Variants in HADHA observed in about 807,000 individuals in gnomAD.
HADHA encodes trifunctional enzyme subunit alpha, mitochondrial.
In HADHA, 59 loss-of-function variants were observed where a neutral mutation model predicts 91.3. The observed-to-expected ratio is 0.65, with a 90% CI of 0.52 to 0.80. HADHA has a LOEUF of 0.80. Ranked by LOEUF, HADHA falls within the 30% of genes least tolerant of loss-of-function variation. HADHA has a pLI of 0.00. For missense variants in HADHA, 800 were observed against 927.6 expected (o/e 0.86, Z 1.79); for synonymous variants, 320 against 338.9 (o/e 0.94, Z 0.61).
In HADHA at chr2:26,240,780, T is replaced by A. The variant is rs183757355; in HGVS notation, c.68-1637A>T. Among the ~76,000 whole-genome samples the A allele has an allele frequency of 2.6e-4, 39 of 152,164 alleles. No individual in the cohort carries two copies. The South Asian group carries it at 5.2e-3, about 20-fold the overall frequency. ...GCCACTATGCCCCACTGGGTTGCAGTTTTAAAGATCAAATATTTGAGATAA... is the reference window on the plus strand; with the variant it reads ...GCCACTATGCCCCACTGGGTTGCAGATTTAAAGATCAAATATTTGAGATAA... On this transcript the variant is annotated intron_variant, in intron 1 of 19. Transcript: ENST00000380649.
At chr2:26,241,478 A>C (rs189843448) in intron 1 of HADHA, among the ~76,000 whole-genome samples, 19 of 107,860 alleles carry the variant, frequency 1.8e-4, no homozygotes, top group African/African-American at 5.2e-4. Context: ...CAACAACAAC[A>C]AAAAAAAAAA....
intron 7 of HADHA, among the ~76,000 whole-genome samples, chr2:26,219,600 A>G (rs1000790756): frequency 3.3e-5 from 5 of 152,178 alleles, no homozygotes; most frequent in African/African-American, 1.2e-4. Context: ...TAGGTCAGAA[A>G]TTACAGTGGG....
intron 9 of HADHA, among the ~76,000 whole-genome samples, chr2:26,213,060 A>T (rs1382992803): frequency 2.0e-4 from 31 of 152,258 alleles, no homozygotes; most frequent in Non-Finnish European, 7.3e-5. Flanking sequence ...AAGATGAAAA[A>T]AATAACCCTG....
At position 26,236,908 on chromosome 2, in the gene HADHA, A is replaced by T; in HGVS notation, c.261T>A (p.Ser87Arg). Residue 87 changes from serine (S) to arginine (R), a missense_variant, in exon 4 of 20, where the codon AGT (serine) becomes AGA (arginine). Transcript: ENST00000380649. ...NEIWASDQIRSAVLISSKPGC... is the reference protein window; with the variant it reads ...NEIWASDQIRRAVLISSKPGC... ...CTGGCTTTGATGAGATAAGGACGGC[A>T]CTTCTGATTTGATCACTAGCCCAGA... 1 of 1,611,126 alleles carries T rather than the reference A, an allele frequency of 6.2e-7. No individual in the cohort carries two copies. The highest frequency in any genetic ancestry group is 8.5e-7 in the Non-Finnish European group (1 of 1,177,378).
At chr2:26,243,498 G>A (rs1670972009) in intron 1 of HADHA, among the ~76,000 whole-genome samples, 1 of 151,740 alleles carries the variant, frequency 6.6e-6, no homozygotes, top group Non-Finnish European at 1.5e-5. Context: ...CAGTTTTGTG[G>A]AGACTAAAAA....
chr2:26,205,969 A>C (rs182569773), intron 11 of HADHA, among the ~76,000 whole-genome samples: 1 of 152,262 alleles, frequency 6.6e-6, no homozygotes, highest in African/African-American at 2.4e-5. Context: ...AGGGATATAA[A>C]GCAATTCATA....
In HADHA at chr2:26,229,169, G is replaced by T. The variant is rs182571082; in HGVS notation, c.676+1023C>A. Among the ~76,000 whole-genome samples the T allele has an allele frequency of 1.5e-3, 221 of 152,022 alleles. 1 individual carries two copies. Among genetic ancestry groups the T allele is most frequent in the African/African-American group, 5.2e-3 (215 of 41,466 alleles). ...AGCCTGGAAAACAGAGTGAGATCTC[G>T]TTTCTACAAAAAATAAAAAATTAGC... is the stretch of plus-strand genomic sequence containing the variant. On this transcript the variant is annotated intron_variant, in intron 7 of 19. Coordinates refer to ENST00000380649, the MANE Select transcript of HADHA (RefSeq NM_000182.5). The surrounding 1 kb of genome is among the most constrained non-coding windows in gnomAD (Gnocchi z 4.3).
rs1372255957 is a variant in HADHA at position 26,229,750 on chromosome 2, ACTTC to A, written c.676+438_676+441del. 6.6e-6 allele frequency among the ~76,000 whole-genome samples: 1 copy of A among 152,174 alleles called. No individual in the cohort carries two copies. The highest frequency in any genetic ancestry group is 1.5e-5 in the Non-Finnish European group (1 of 68,020). ...GATTTAGTATTAGCTATTTTATAAAACTTCCTTCCTTAGAATAATGACTCATTTC... is the reference window on the plus strand; with the variant it reads ...GATTTAGTATTAGCTATTTTATAAAACTTCCTTAGAATAATGACTCATTTC... On this transcript the variant is annotated intron_variant, in intron 7 of 19. Transcript: ENST00000380649. This position sits in a 1 kb window ranked among gnomAD's most constrained non-coding sequence, Gnocchi z 4.3.
intron 16 of HADHA, 53 bp downstream of exon 16, chr2:26,194,517 G>T: frequency 9.5e-7 from 1 of 1,054,276 alleles, no homozygotes; most frequent in Non-Finnish European, 1.5e-6. Context: ...ATGAGTTTTA[G>T]AGTGACTGAA....
In HADHA at chr2:26,212,628, T is replaced by TA; in HGVS notation, c.919-3dup. On this transcript the variant is annotated splice_region_variant and splice_polypyrimidine_tract_variant and intron_variant, in intron 9 of 19. Transcript: ENST00000380649. ...TTGCTCAATTCCAGTCTTTACCACC[T>TA]AAAAAACATATAAAGCACTTGCTCA... 3.1e-6 allele frequency: 5 copies of TA among 1,588,154 alleles called. No homozygotes were observed. Among genetic ancestry groups the TA allele is most frequent in the Non-Finnish European group, 4.3e-6 (5 of 1,156,324 alleles).
At position 26,214,314 on chromosome 2, in the gene HADHA, G is replaced by A. The variant is rs1670166838; in HGVS notation, c.918+129C>T. The A allele has an allele frequency of 2.6e-6, 2 of 755,346 alleles. No homozygotes were observed. The highest frequency in any genetic ancestry group is 4.9e-6 in the Non-Finnish European group (2 of 410,410). The allele number at this position is 755,346 out of a possible 1,614,324, so 46.8% of individuals were successfully genotyped here. On this transcript the variant is annotated intron_variant, in intron 9 of 19. Coordinates refer to ENST00000380649, the MANE Select transcript of HADHA (RefSeq NM_000182.5). The surrounding 1 kb of genome is among the most constrained non-coding windows in gnomAD (Gnocchi z 4.1). The stretch of plus-strand genomic sequence containing the variant: ...TTGCTATGCCCTTCCCTTATTTTTG[G>A]TAAATACTTTAATAGCAGAATTAAG...
intron 7 of HADHA, among the ~76,000 whole-genome samples, chr2:26,223,150 T>C (rs1670413132): frequency 6.6e-6 from 1 of 152,186 alleles, no homozygotes; most frequent in Non-Finnish European, 1.5e-5. Context: ...ATGATTCTAC[T>C]GAACTGTTAG....
chr2:26,193,028 A>G (rs4665313), intron 17 of HADHA, among the ~76,000 whole-genome samples: 124,820 of 152,118 alleles, frequency 0.82, 51,521 homozygotes, highest in African/African-American at 0.92. Flanking sequence ...CTGTTTTGCC[A>G]AGACAGAAAG....
chr2:26,239,953 T>C (rs1394393298), intron 1 of HADHA, among the ~76,000 whole-genome samples: 3 of 152,180 alleles, frequency 2.0e-5, no homozygotes, highest in African/African-American at 7.2e-5. Flanking sequence ...ATCTCCTCAA[T>C]CCCCAGTGCC....
In HADHA at chr2:26,221,742, C is replaced by T. The variant is rs756223675; in HGVS notation, c.677-6567G>A. ...GGTTTGTAGATATTTCTGTGTGATA[C>T]GCAGGTACCACCTGGAAGTGCACAG... On this transcript the variant is annotated intron_variant, in intron 7 of 19. Transcript: ENST00000380649. This position sits in a 1 kb window ranked among gnomAD's most constrained non-coding sequence, Gnocchi z 4.8. Among the ~76,000 whole-genome samples the T allele has an allele frequency of 1.1e-4, 16 of 152,164 alleles. 1 individual carries two copies. The highest frequency in any genetic ancestry group is 2.1e-4 in the Non-Finnish European group (14 of 68,030).
intron 14 of HADHA, among the ~76,000 whole-genome samples, chr2:26,197,276 A>C (rs1422192142): frequency 6.6e-6 from 1 of 152,174 alleles, no homozygotes; most frequent in Non-Finnish European, 1.5e-5. Flanking sequence ...AGAAGGTGTA[A>C]GCAAACCCAC....
rs146900878 is a variant in HADHA at position 26,208,745 on chromosome 2, C to G, written c.1085+1035G>C. Among the ~76,000 whole-genome samples, 248 of 152,266 alleles carry G rather than the reference C, an allele frequency of 1.6e-3. 7 individuals carry two copies. The highest frequency in any genetic ancestry group is 5.7e-3 in the African/African-American group (237 of 41,560). ...CATGGAAGTAATTTACCCTGCTCAT[C>G]GAATGCAAGGTACTATCAAGGTTAG... On this transcript the variant is annotated intron_variant, in intron 11 of 19. Transcript: ENST00000380649.
At chr2:26,230,499 G>A (rs1670597167) in intron 6 of HADHA, among the ~76,000 whole-genome samples, 1 of 152,132 alleles carries the variant, frequency 6.6e-6, no homozygotes. Context: ...TCTAGCTGAA[G>A]CAAAAATGTC....
At chr2:26,211,598 A>G (rs57493298) in intron 10 of HADHA, among the ~76,000 whole-genome samples, 199 of 152,342 alleles carry the variant, frequency 1.3e-3, no homozygotes, top group African/African-American at 4.5e-3. Context: ...ATCTCTCATC[A>G]TATATATGCA....
Sources: gnomAD v4.1 joint callset for allele counts (sites outside exome capture counted in the v4.1 genomes callset) on GRCh38, gnomAD v4.1.1 for gene constraint, Gnocchi (gnomAD v3.1) non-coding constraint, MANE v1.5 for transcripts, NCBI Gene and HGNC (gene_info 2026-07-23, HGNC 2026-07-21) for gene names.